The following WASHC2C variants were observed in gnomAD, a reference collection of about 807,000 sequenced individuals.
WASHC2C encodes the protein WASH complex subunit 2C, also known as Vaccinia Penetration Factor.
WASHC2C carries 73 observed loss-of-function variants against 142.2 expected under a neutral mutation model. The observed-to-expected ratio is 0.51, with a 90% CI of 0.43 to 0.62. The LOEUF (loss-of-function observed/expected upper bound fraction) is 0.62, where lower values mean the gene tolerates loss of function less well. Among genes scored for constraint, WASHC2C ranks in the 20% least tolerant of loss-of-function variants. WASHC2C has a pLI of 0.00. For synonymous variants in WASHC2C, 337 were observed against 565.5 expected (o/e 0.60, Z 5.73); for missense variants, 969 against 1,531.7 (o/e 0.63, Z 6.13).
At chr10:45,741,563 G>C (rs1163427597) in intron 5 of WASHC2C, among the ~76,000 whole-genome samples, 9 of 151,182 alleles carry the variant, frequency 6.0e-5, no homozygotes, top group African/African-American at 2.2e-4. Flanking sequence ...CCAAATTAAC[G>C]CTGTCTTTGC....
chr10:45,783,305 T>TA (rs1431217036), intron 23 of WASHC2C, among the ~76,000 whole-genome samples: 1 of 152,214 alleles, frequency 6.6e-6, no homozygotes, highest in Non-Finnish European at 1.5e-5. Context: ...CCCAGTCTCT[T>TA]ACTGTGTATG....
rs782382012 is a variant in WASHC2C at position 45,752,722 on chromosome 10, C to G, written c.1122+16C>G. The G allele has an allele frequency of 5.5e-5, 89 of 1,605,936 alleles. No homozygotes were observed. Among genetic ancestry groups the G allele is most frequent in the Non-Finnish European group, 7.4e-5 (87 of 1,176,728 alleles). On this transcript the variant is annotated intron_variant, in intron 12 of 30. Transcript: ENST00000623400. ...GGACGAGGAGGTGAGTCCATGGCAC[C>G]CAGCAACACTCCCTGCAGCTAGCTG...
At chr10:45,754,626 G>A (rs2054015664) in intron 14 of WASHC2C, 81 bp downstream of exon 14, 6 of 1,325,594 alleles carry the variant, frequency 4.5e-6, no homozygotes, top group Non-Finnish European at 6.2e-6. Context: ...TCTAAAGTCT[G>A]GCTGGAGATG....
In WASHC2C at chr10:45,765,746, A is replaced by G; in HGVS notation, c.1805A>G (p.Lys602Arg). ...TCTCTACAAGCTCAGAGAGAAGAGA[A>G]AGCAAAAGCCTCCGAGCTCTCCAAA... Reference protein sequence around the residue: ...TLSLQAQREEKAKASELSKKK... With the variant: ...TLSLQAQREERAKASELSKKK... The change falls in exon 19 of 31, where the codon AAA becomes AGA. Residue 602 changes from lysine (K) to arginine (R), a missense_variant. By Grantham distance (26) the Lys-to-Arg change is conservative (BLOSUM62 2). Coordinates refer to ENST00000623400, the MANE Select transcript of WASHC2C (RefSeq NM_001330074.2). 1 of 1,612,024 alleles carries G rather than the reference A, an allele frequency of 6.2e-7. No individual in the cohort carries two copies. The highest frequency in any genetic ancestry group is 8.5e-7 in the Non-Finnish European group (1 of 1,179,870).
At chr10:45,744,279 G>A (rs1281751663) in intron 6 of WASHC2C, among the ~76,000 whole-genome samples, 4 of 147,216 alleles carry the variant, frequency 2.7e-5, no homozygotes, top group African/African-American at 1.0e-4. Context: ...GGTTGGTCTC[G>A]AACGCCTGAC....
intron 3 of WASHC2C, among the ~76,000 whole-genome samples, chr10:45,736,777 T>C (rs2051329293): frequency 6.6e-6 from 1 of 152,168 alleles, no homozygotes; most frequent in South Asian, 2.1e-4. Flanking sequence ...CTCTTTTCCA[T>C]GTGCCTTTAT....
intron 16 of WASHC2C, among the ~76,000 whole-genome samples, chr10:45,757,857 C>G (rs1292312392): frequency 6.6e-6 from 1 of 152,258 alleles, no homozygotes; most frequent in Admixed American, 6.5e-5. Context: ...ATGCTTGCTG[C>G]TCACCTCACC....
intron 13 of WASHC2C, 131 bp downstream of exon 13, chr10:45,753,368 G>A: frequency 2.0e-6 from 2 of 991,022 alleles, no homozygotes; most frequent in Admixed American, 2.8e-5. Flanking sequence ...TTTTACTGCG[G>A]TCCAGTTGAA....
chr10:45,736,214 T>C (rs1409525728), intron 3 of WASHC2C, among the ~76,000 whole-genome samples: 22 of 150,120 alleles, frequency 1.5e-4, no homozygotes, highest in Non-Finnish European at 2.2e-4. Context: ...ACCATCCTGG[T>C]TAACATGGTG....
chr10:45,731,387 AT>A (rs1160111581), intron 3 of WASHC2C, among the ~76,000 whole-genome samples: 2 of 130,234 alleles, frequency 1.5e-5, no homozygotes, highest in Non-Finnish European at 3.2e-5. Flanking sequence ...GGCCTGGCTA[AT>A]TTTTTTTCTA....
In WASHC2C at chr10:45,729,364, C is replaced by A. The variant is rs185446063; in HGVS notation, c.291+338C>A. ...AAGGACAGCTGTTTACCTGGTTAGACCCTCTGGACACCAGCATATGGTTTC... is the reference window on the plus strand; with the variant it reads ...AAGGACAGCTGTTTACCTGGTTAGAACCTCTGGACACCAGCATATGGTTTC... On this transcript the variant is annotated intron_variant, in intron 3 of 30. Transcript: ENST00000623400. Among the ~76,000 whole-genome samples the A allele has an allele frequency of 1.4e-3, 213 of 152,316 alleles. 1 individual carries two copies. In the South Asian group the frequency reaches 0.02, roughly 15 times the overall value.
chr10:45,769,339 T>C (rs573399089), intron 19 of WASHC2C, 110 bp from the exon 20 acceptor site: 197 of 1,441,088 alleles, frequency 1.4e-4, no homozygotes, highest in South Asian at 3.0e-4. Flanking sequence ...AGGATGGTCT[T>C]GATCTGCTGA....
At chr10:45,773,841 T>TA (rs536251745) in intron 21 of WASHC2C, among the ~76,000 whole-genome samples, 769 of 72,680 alleles carry the variant, frequency 0.011, 2 homozygotes, top group South Asian at 0.043. Context: ...TATACAGTGG[T>TA]AAAAAAAAAC....
intron 25 of WASHC2C, among the ~76,000 whole-genome samples, 189 bp from the exon 26 acceptor site, chr10:45,785,320 A>G (rs1475736810): frequency 6.6e-6 from 1 of 152,150 alleles, no homozygotes; most frequent in Non-Finnish European, 1.5e-5. Flanking sequence ...TTTTTATCAT[A>G]GAGAGGACTC....
At chr10:45,779,983 C>CAAAAA (rs1212129330) in intron 23 of WASHC2C, among the ~76,000 whole-genome samples, 3 of 69,002 alleles carry the variant, frequency 4.3e-5, no homozygotes, top group Non-Finnish European at 6.0e-5. Context: ...GACTCCATCT[C>CAAAAA]AAAAAAAAAA....
intron 23 of WASHC2C, among the ~76,000 whole-genome samples, chr10:45,783,724 G>A (rs1195875371): frequency 6.6e-6 from 1 of 152,230 alleles, no homozygotes; most frequent in South Asian, 2.1e-4. Context: ...GCCTCCCAAA[G>A]TGCTGGGATT....
chr10:45,732,056 A>G (rs2050673583), intron 3 of WASHC2C, among the ~76,000 whole-genome samples: 1 of 152,058 alleles, frequency 6.6e-6, no homozygotes, highest in African/African-American at 2.4e-5. Context: ...TTGGCCTCCC[A>G]AAGTGCTGGG....
Position 45,784,857 on chromosome 10 carries a change from G to A in WASHC2C, c.2644G>A (p.Asp882Asn). The stretch of plus-strand genomic sequence containing the variant: ...AAGTGTTGGGAGCCTGTTTGGGGAT[G>A]ATGAAGATGATGATCTTTTCAGCTC... ...EPSVGSLFGDDEDDDLFSSAK... is the reference protein window; with the variant it reads ...EPSVGSLFGDNEDDDLFSSAK... The change falls in exon 25 of 31, where the codon GAT becomes AAT. Residue 882 changes from aspartate (D) to asparagine (N), a missense_variant. By Grantham distance (23) the Asp-to-Asn change is conservative. Coordinates refer to ENST00000623400, the MANE Select transcript of WASHC2C (RefSeq NM_001330074.2). 6.2e-7 allele frequency: 1 copy of A among 1,608,668 alleles called. No homozygotes were observed. The highest frequency in any genetic ancestry group is 1.7e-5 in the Admixed American group (1 of 59,772).
At chr10:45,744,206 C>T (rs1554869981) in intron 6 of WASHC2C, among the ~76,000 whole-genome samples, 1 of 144,384 alleles carries the variant, frequency 6.9e-6, no homozygotes, top group African/African-American at 2.6e-5. Context: ...TTACAGGTGC[C>T]CACCACCACA....
Sources: gnomAD v4.1 joint callset for allele counts (sites outside exome capture counted in the v4.1 genomes callset) on GRCh38, gnomAD v4.1.1 for gene constraint, MANE v1.5 for transcripts, NCBI Gene and HGNC (gene_info 2026-07-23, HGNC 2026-07-21) for gene names.